Variants in COL4A1 observed in about 807,000 individuals in gnomAD.
The protein encoded by COL4A1 is collagen type IV alpha 1 chain.
Under a neutral mutation model 216.6 loss-of-function variants are expected in COL4A1, and 40 were observed. The ratio of observed to expected loss-of-function variants is 0.18; its 90% CI spans 0.14 to 0.24. The LOEUF (loss-of-function observed/expected upper bound fraction) is 0.24, where lower values mean the gene tolerates loss of function less well. COL4A1 is among the 10% of genes least tolerant of loss of function. The pLI is 1.00. For missense variants in COL4A1, 1,628 were observed against 2,196.8 expected (o/e 0.74, Z 5.18); for synonymous variants, 839 against 810.7 (o/e 1.03, Z -0.59).
At chr13:110,209,295 T>A in intron 11 of COL4A1, 97 bp downstream of exon 11, 1 of 1,162,162 alleles carries the variant, frequency 8.6e-7, no homozygotes, top group Admixed American at 2.2e-5. Flanking sequence ...TTTCCAACTT[T>A]TTTTTAGAGA....
At chr13:110,179,184 T>C (rs1025025849) in intron 30 of COL4A1, 87 bp downstream of exon 30, 12 of 1,583,352 alleles carry the variant, frequency 7.6e-6, no homozygotes, top group East Asian at 2.2e-5. Context: ...CAAATACATA[T>C]CAAATATACT....
intron 29 of COL4A1, 73 bp downstream of exon 29, chr13:110,181,219 A>T: frequency 6.8e-7 from 1 of 1,469,004 alleles, no homozygotes; most frequent in Non-Finnish European, 9.5e-7. Flanking sequence ...GACGTTCACA[A>T]CCTGCATTTT....
intron 1 of COL4A1, among the ~76,000 whole-genome samples, chr13:110,261,794 C>A (rs1447815311): frequency 6.6e-6 from 1 of 152,216 alleles, no homozygotes; most frequent in East Asian, 1.9e-4. Flanking sequence ...CACTCTGCGT[C>A]CTCTGCCACC....
chr13:110,282,978 C>T (rs112913436), intron 1 of COL4A1, among the ~76,000 whole-genome samples: 2 of 152,210 alleles, frequency 1.3e-5, no homozygotes, highest in Non-Finnish European at 2.9e-5. Context: ...TGATCCCAGT[C>T]GCTTCCAGGT....
chr13:110,169,571 A>G, intron 43 of COL4A1, 58 bp downstream of exon 43: 1 of 1,609,708 alleles, frequency 6.2e-7, no homozygotes, highest in Non-Finnish European at 8.5e-7. Flanking sequence ...ACACATATGA[A>G]TACTTCTGGC....
intron 1 of COL4A1, among the ~76,000 whole-genome samples, chr13:110,272,339 A>T (rs1309258948): frequency 6.6e-6 from 1 of 152,264 alleles, no homozygotes; most frequent in African/African-American, 2.4e-5. Flanking sequence ...TGAAGAAGGC[A>T]AATGCTGACT....
chr13:110,162,811 G>T (rs551672063), intron 47 of COL4A1, among the ~76,000 whole-genome samples: 3 of 152,316 alleles, frequency 2.0e-5, no homozygotes, highest in South Asian at 4.1e-4. Context: ...ACACGGAATC[G>T]TGGGGCTCCT....
At position 110,172,927 on chromosome 13, in the gene COL4A1, C is replaced by T. The variant is rs682881; in HGVS notation, c.3506-157G>A. On this transcript the variant is annotated intron_variant, in intron 40 of 51. Transcript: ENST00000375820. Reference sequence around the variant, plus strand: ...CCCTTGTAATAAAATGATATTCCTACAGTTATAAGATACCCTTGACTGAAT... The same window carrying T: ...CCCTTGTAATAAAATGATATTCCTATAGTTATAAGATACCCTTGACTGAAT... 0.019 allele frequency among the ~76,000 whole-genome samples: 2,932 copies of T among 152,280 alleles called. 85 individuals are homozygous for T. The highest frequency in any genetic ancestry group is 0.066 in the African/African-American group (2,760 of 41,538).
intron 2 of COL4A1, among the ~76,000 whole-genome samples, chr13:110,216,934 C>A (rs1245718102): frequency 6.6e-6 from 1 of 152,188 alleles, no homozygotes. Context: ...CTTGCTTTTA[C>A]CGCAAGAACA....
chr13:110,213,719 G>A lies in COL4A1; in HGVS notation c.279+63C>T, dbSNP rs960802724. 28 of 1,534,596 alleles carry A rather than the reference G, an allele frequency of 1.8e-5. No individual in the cohort carries two copies. The African/African-American group carries it at 3.5e-4, about 19-fold the overall frequency. The stretch of plus-strand genomic sequence containing the variant: ...AGGAGAAAGGAGGGAAAAGGTGCCC[G>A]GCTCTGGAAGCGGGCCTGTCCCACG... On this transcript the variant is annotated intron_variant, in intron 4 of 51. Coordinates refer to ENST00000375820, the MANE Select transcript of COL4A1 (RefSeq NM_001845.6).
intron 43 of COL4A1, among the ~76,000 whole-genome samples, chr13:110,169,378 T>C (rs1314987769): frequency 2.0e-5 from 3 of 152,132 alleles, no homozygotes; most frequent in Non-Finnish European, 4.4e-5. Context: ...CTTTTATGGT[T>C]CTTGGAAAAC....
chr13:110,238,993 G>A (rs1881443882), intron 2 of COL4A1, among the ~76,000 whole-genome samples: 1 of 152,138 alleles, frequency 6.6e-6, no homozygotes, highest in South Asian at 2.1e-4. Context: ...AGTCTCTGGA[G>A]GAGCACAGAG....
At chr13:110,199,945 C>T (rs1484077349) in intron 20 of COL4A1, among the ~76,000 whole-genome samples, 1 of 152,060 alleles carries the variant, frequency 6.6e-6, no homozygotes, top group East Asian at 1.9e-4. Context: ...TGGGAGTGGA[C>T]GAAGGCCCTG....
chr13:110,269,637 G>A (rs1451343169), intron 1 of COL4A1, among the ~76,000 whole-genome samples: 2 of 152,000 alleles, frequency 1.3e-5, no homozygotes, highest in Admixed American at 6.6e-5. Flanking sequence ...AGGTCTCCAC[G>A]TGTGTCCAGC....
intron 42 of COL4A1, among the ~76,000 whole-genome samples, chr13:110,170,126 G>GA (rs1455336670): frequency 1.7e-4 from 4 of 23,800 alleles, no homozygotes; most frequent in African/African-American, 3.5e-4. Context: ...AGGAAGGAAG[G>GA]AAGGAAGGAA....
rs1317452400 is a variant in COL4A1, at chr13:110,161,206, T to C, written c.4626A>G (p.Arg1542=). 1.9e-6 allele frequency: 3 copies of C among 1,614,094 alleles called. No individual in the cohort carries two copies. Among genetic ancestry groups the C allele is most frequent in the Admixed American group, 3.3e-5 (2 of 60,006 alleles). Residue 1542 remains arginine (R), a synonymous_variant, in exon 49 of 52, where the codon AGA becomes AGG. Coordinates refer to ENST00000375820, the MANE Select transcript of COL4A1 (RefSeq NM_001845.6). The part of the protein sequence containing the change: ...SMAPITGENI[R]PFISRCAVCE... ...GCTCGACTCACCTACTAATAAATGG[T>C]CTTATGTTTTCCCCCGTGATGGGTG...
intron 1 of COL4A1, among the ~76,000 whole-genome samples, chr13:110,246,475 T>C (rs1295986581): frequency 6.6e-6 from 1 of 152,152 alleles, no homozygotes; most frequent in Non-Finnish European, 1.5e-5. Flanking sequence ...ATTACTGTGT[T>C]TAAAAGGGGT....
chr13:110,157,185 T>C (rs599739), intron 49 of COL4A1, among the ~76,000 whole-genome samples: 132,387 of 152,256 alleles, frequency 0.87, 57,605 homozygotes, highest in East Asian at 0.95. Context: ...CCAGGGTTAG[T>C]TGTGTCCAAG....
intron 1 of COL4A1, among the ~76,000 whole-genome samples, chr13:110,293,087 T>C (rs1884148972): frequency 6.6e-6 from 1 of 152,220 alleles, no homozygotes; most frequent in African/African-American, 2.4e-5. Flanking sequence ...TAGTGATAAA[T>C]GCTGGATTCC....
Sources: gnomAD v4.1 joint callset for allele counts (sites outside exome capture counted in the v4.1 genomes callset) on GRCh38, gnomAD v4.1.1 for gene constraint, MANE v1.5 for transcripts, NCBI Gene and HGNC (gene_info 2026-07-23, HGNC 2026-07-21) for gene names.